The following PPM1H variants were observed in gnomAD, a reference collection of about 807,000 sequenced individuals.
PPM1H encodes the protein protein phosphatase, Mg2+/Mn2+ dependent 1H, also known as protein phosphatase 1H.
In PPM1H, 27 loss-of-function variants were observed where a neutral mutation model predicts 54.9. That is an observed-to-expected ratio of 0.49 (90% CI 0.36 to 0.68). The LOEUF is 0.68. Among genes scored for constraint, PPM1H ranks in the 30% least tolerant of loss-of-function variants. The pLI is 0.00. For missense variants in PPM1H, 596 were observed against 667.8 expected (o/e 0.89, Z 1.19); for synonymous variants, 305 against 270.8 (o/e 1.13, Z -1.24).
chr12:62,669,706 G>T lies in PPM1H; in HGVS notation c.1246-2377C>A, dbSNP rs560469408. On this transcript the variant is annotated intron_variant, in intron 8 of 9. Transcript: ENST00000228705. Reference sequence around the variant, plus strand: ...ACTGCTAATAGGAGGCCAAGGCAGGGGGATCACTTGAGGCCAGGAGTTCGT... The same window carrying T: ...ACTGCTAATAGGAGGCCAAGGCAGGTGGATCACTTGAGGCCAGGAGTTCGT... Among the ~76,000 whole-genome samples, 83 of 152,156 alleles carry T rather than the reference G, an allele frequency of 5.5e-4. 2 individuals carry two copies. In the South Asian group the frequency reaches 8.3e-3, roughly 15 times the overall value.
intron 1 of PPM1H, among the ~76,000 whole-genome samples, chr12:62,869,711 G>A (rs181606104): frequency 2.0e-4 from 30 of 152,120 alleles, no homozygotes; most frequent in South Asian, 4.1e-4. Flanking sequence ...TCAAAGTTCC[G>A]TAACCTGGCC....
chr12:62,668,771 AGAGAC>A (rs2075936187), intron 8 of PPM1H, among the ~76,000 whole-genome samples: 1 of 152,246 alleles, frequency 6.6e-6, no homozygotes, highest in Non-Finnish European at 1.5e-5. Flanking sequence ...CCTCAGATCT[AGAGAC>A]AATCATATCA....
At chr12:62,839,874 C>CAAAAAAAAAAAAAA (rs746381032) in intron 1 of PPM1H, among the ~76,000 whole-genome samples, 14 of 84,240 alleles carry the variant, frequency 1.7e-4, no homozygotes, top group African/African-American at 5.4e-4. Context: ...CCTGTTTCTA[C>CAAAAAAAAAAAAAA]AAAAAAAAAA....
intron 1 of PPM1H, among the ~76,000 whole-genome samples, chr12:62,879,608 G>A (rs1307583677): frequency 6.6e-6 from 1 of 152,104 alleles, no homozygotes; most frequent in South Asian, 2.1e-4. Flanking sequence ...ACTGGGGCCT[G>A]TTGGGGTACG....
intron 4 of PPM1H, among the ~76,000 whole-genome samples, chr12:62,773,166 A>G (rs1195391903): frequency 6.6e-6 from 1 of 152,014 alleles, no homozygotes; most frequent in Non-Finnish European, 1.5e-5. Context: ...AAACAAAACA[A>G]AACAAAACAA....
chr12:62,830,262 T>A (rs932686063), intron 2 of PPM1H, among the ~76,000 whole-genome samples: 1 of 152,174 alleles, frequency 6.6e-6, no homozygotes, highest in Non-Finnish European at 1.5e-5. Flanking sequence ...TATTTATTTA[T>A]TTAATTTTTT....
intron 2 of PPM1H, among the ~76,000 whole-genome samples, chr12:62,805,140 A>G (rs2076799206): frequency 6.6e-6 from 1 of 152,210 alleles, no homozygotes; most frequent in African/African-American, 2.4e-5. Context: ...ATCATCAGGA[A>G]AATGCAAATC....
intron 1 of PPM1H, among the ~76,000 whole-genome samples, chr12:62,914,537 T>C (rs1032149112): frequency 2.6e-5 from 4 of 152,136 alleles, no homozygotes; most frequent in African/African-American, 9.7e-5. Context: ...TTAGCACATC[T>C]GTGGGAGAGG....
chr12:62,708,401 C>A (rs1249019134), intron 6 of PPM1H, among the ~76,000 whole-genome samples: 1 of 152,188 alleles, frequency 6.6e-6, no homozygotes, highest in Non-Finnish European at 1.5e-5. Flanking sequence ...CCGCAGGTGA[C>A]CATCTTCATA....
rs1444197621 is a variant in PPM1H, at chr12:62,687,237, TCATGGA to T, written c.1245+2456_1245+2461del. ...AAGCCTGGCTGTTCAATCATTCTGC[TCATGGA>T]CACCATAAATATCTCTTCTAATATT... On this transcript the variant is annotated intron_variant, in intron 8 of 9. Transcript: ENST00000228705. Among the ~76,000 whole-genome samples, 39 of 152,306 alleles carry T rather than the reference TCATGGA, an allele frequency of 2.6e-4. No homozygotes were observed. In the South Asian group the frequency reaches 2.7e-3, roughly 11 times the overall value.
chr12:62,786,523 A>C (rs2076672657), intron 4 of PPM1H, among the ~76,000 whole-genome samples: 1 of 152,206 alleles, frequency 6.6e-6, no homozygotes, highest in Non-Finnish European at 1.5e-5. Flanking sequence ...AGAAGTCAGC[A>C]TATCTTCTCC....
At chr12:62,909,480 G>C (rs990312426) in intron 1 of PPM1H, among the ~76,000 whole-genome samples, 8 of 151,894 alleles carry the variant, frequency 5.3e-5, no homozygotes, top group Non-Finnish European at 1.0e-4. Context: ...CTCCCTGCTG[G>C]TCCTCAAACA....
chr12:62,730,329 G>A (rs973637584), intron 5 of PPM1H, among the ~76,000 whole-genome samples: 2 of 152,172 alleles, frequency 1.3e-5, no homozygotes, highest in East Asian at 1.9e-4. Flanking sequence ...ACATTCATAC[G>A]CATTTCTGTT....
intron 8 of PPM1H, among the ~76,000 whole-genome samples, chr12:62,682,530 C>T (rs2076024903): frequency 6.6e-6 from 1 of 152,146 alleles, no homozygotes; most frequent in African/African-American, 2.4e-5. Flanking sequence ...GAGACAAGGT[C>T]TCACTCTGTC....
chr12:62,853,417 A>G lies in PPM1H; in HGVS notation c.246-21138T>C, dbSNP rs1869267182. 2.0e-5 allele frequency among the ~76,000 whole-genome samples: 3 copies of G among 152,218 alleles called. No homozygotes were observed. In the South Asian group the frequency reaches 6.2e-4, roughly 31 times the overall value. On this transcript the variant is annotated intron_variant, in intron 1 of 9. Transcript: ENST00000228705. Reference sequence around the variant, plus strand: ...TGCTTTAATCCTATGAGGAAATGAAAGTTTTTACAGATGCATAAAATAAAA... The same window carrying G: ...TGCTTTAATCCTATGAGGAAATGAAGGTTTTTACAGATGCATAAAATAAAA...
intron 6 of PPM1H, among the ~76,000 whole-genome samples, chr12:62,715,037 C>T (rs2076227653): frequency 6.6e-6 from 1 of 152,184 alleles, no homozygotes; most frequent in South Asian, 2.1e-4. Context: ...TACGCTGATC[C>T]TACTTGAGAA....
intron 1 of PPM1H, among the ~76,000 whole-genome samples, chr12:62,857,385 A>C (rs1349372799): frequency 6.6e-6 from 1 of 152,220 alleles, no homozygotes; most frequent in Non-Finnish European, 1.5e-5. Context: ...AGCAAAGGGA[A>C]GAATGGTGGT....
At chr12:62,842,248 C>T (rs1326497845) in intron 1 of PPM1H, among the ~76,000 whole-genome samples, 1 of 152,130 alleles carries the variant, frequency 6.6e-6, no homozygotes, top group African/African-American at 2.4e-5. Flanking sequence ...GGAAAAAAAG[C>T]AAAGTTCTGC....
At chr12:62,649,489 G>C (rs1034178080) in intron 9 of PPM1H, among the ~76,000 whole-genome samples, 6 of 152,190 alleles carry the variant, frequency 3.9e-5, no homozygotes, top group Middle Eastern at 3.2e-3. Flanking sequence ...ATAAAAAAAT[G>C]AGACAAAACA....
Sources: allele counts gnomAD v4.1 joint callset (sites outside exome capture counted in the v4.1 genomes callset), GRCh38; gene constraint gnomAD v4.1.1; transcripts MANE v1.5; gene names NCBI Gene and HGNC (gene_info 2026-07-23, HGNC 2026-07-21).